The following UMAD1 variants were observed in gnomAD, a reference collection of about 807,000 sequenced individuals.
UMAD1 encodes UBAP1-MVB12-associated (UMA)-domain containing protein 1.
Under a neutral mutation model 6.1 loss-of-function variants are expected in UMAD1, and 8 were observed. The ratio of observed to expected loss-of-function variants is 1.30; its 90% CI spans 0.76 to 2.35. The LOEUF is 2.35. Ranked by LOEUF, UMAD1 falls within the 30% of genes most tolerant of loss-of-function variation. The probability of loss-of-function intolerance (pLI) is 0.00; values close to 1 mark genes in which losing one functional copy is unlikely to be tolerated. For synonymous variants in UMAD1, 56 were observed against 31.4 expected, an observed-to-expected ratio of 1.78 and a Z score of -2.61; for missense variants, 130 against 78.4, an observed-to-expected ratio of 1.66 and a Z score of -2.49.
intron 1 of UMAD1, among the ~76,000 whole-genome samples, chr7:7,655,807 A>G (rs1322011216): frequency 6.8e-6 from 1 of 147,414 alleles, no homozygotes; most frequent in Non-Finnish European, 1.5e-5. Context: ...GTAAGTGTAT[A>G]TATTTAGGAC....
At chr7:7,872,388 G>A (rs1292610399) in intron 3 of UMAD1, among the ~76,000 whole-genome samples, 1 of 152,206 alleles carries the variant, frequency 6.6e-6, no homozygotes, top group African/African-American at 2.4e-5. Context: ...GCAGATAGGG[G>A]AATGGCCAAC....
intron 1 of UMAD1, among the ~76,000 whole-genome samples, chr7:7,662,738 C>T (rs1190949392): frequency 6.6e-6 from 1 of 151,626 alleles, no homozygotes; most frequent in Non-Finnish European, 1.5e-5. Context: ...CTGGGAACTG[C>T]AGATGGAGCT....
intron 2 of UMAD1, among the ~76,000 whole-genome samples, chr7:7,731,490 C>CCT (rs888103101): frequency 4.3e-5 from 6 of 138,030 alleles, no homozygotes; most frequent in African/African-American, 1.6e-4. Flanking sequence ...CAACCCCCCC[C>CCT]CAAAAAAAAA....
At chr7:7,873,568 C>T (rs1387917286) in intron 3 of UMAD1, among the ~76,000 whole-genome samples, 1 of 152,134 alleles carries the variant, frequency 6.6e-6, no homozygotes. Context: ...TAGTTGCAGT[C>T]CTAAAACAGT....
chr7:7,741,907 ATATTT>A (rs1781476313), intron 2 of UMAD1: 1 of 200,836 alleles, frequency 5.0e-6, no homozygotes, highest in Non-Finnish European at 1.0e-5. Flanking sequence ...TAAACAAAAA[ATATTT>A]TTATTTTTAG....
intron 2 of UMAD1, among the ~76,000 whole-genome samples, chr7:7,721,703 T>C (rs968898512): frequency 1.8e-4 from 28 of 152,178 alleles, no homozygotes; most frequent in African/African-American, 5.8e-4. Flanking sequence ...TTTTTTGTGA[T>C]TGTCCATGAG....
intron 2 of UMAD1, among the ~76,000 whole-genome samples, chr7:7,785,629 G>A (rs565049500): frequency 3.3e-5 from 5 of 152,212 alleles, no homozygotes; most frequent in African/African-American, 4.8e-5. Context: ...GATTGATTGC[G>A]TGGCCGCTTG....
intron 3 of UMAD1, among the ~76,000 whole-genome samples, chr7:7,840,676 G>T (rs577821614): frequency 8.7e-4 from 132 of 152,118 alleles, no homozygotes; most frequent in African/African-American, 3.2e-3. Context: ...TGTTATTATT[G>T]TCATCATCAT....
At chr7:7,782,883 C>A (rs1241935628) in intron 2 of UMAD1, among the ~76,000 whole-genome samples, 1 of 151,936 alleles carries the variant, frequency 6.6e-6, no homozygotes, top group Non-Finnish European at 1.5e-5. Flanking sequence ...ATGCACGCCA[C>A]CACACCCAGC....
intron 1 of UMAD1, among the ~76,000 whole-genome samples, chr7:7,668,497 G>C (rs1194499510): frequency 1.3e-5 from 2 of 152,074 alleles, no homozygotes; most frequent in African/African-American, 4.8e-5. Flanking sequence ...CTCTTAGTGT[G>C]CCTAATTTAT....
At chr7:7,717,181 C>A (rs1043613019) in intron 2 of UMAD1, among the ~76,000 whole-genome samples, 1 of 151,838 alleles carries the variant, frequency 6.6e-6, no homozygotes, top group Non-Finnish European at 1.5e-5. Flanking sequence ...CTCTGCCTCC[C>A]GCGTAGCTGG....
At chr7:7,772,323 GAACT>G (rs1782117554) in intron 2 of UMAD1, 1 of 152,206 alleles carries the variant, frequency 6.6e-6, no homozygotes, top group Admixed American at 6.5e-5. Context: ...GTTTTCTCAT[GAACT>G]AACTAATGCC....
At chr7:7,819,384 G>A (rs557716212) in intron 3 of UMAD1, among the ~76,000 whole-genome samples, 1 of 152,316 alleles carries the variant, frequency 6.6e-6, no homozygotes, top group Admixed American at 6.5e-5. Context: ...TATCTGGTAA[G>A]TTGTAGGTAA....
chr7:7,854,079 G>A (rs1030244070), intron 3 of UMAD1, among the ~76,000 whole-genome samples: 1 of 152,186 alleles, frequency 6.6e-6, no homozygotes, highest in South Asian at 2.1e-4. Context: ...GGTTTAGCCA[G>A]GTGCCATGGC....
chr7:7,665,092 T>C (rs1779407161), intron 1 of UMAD1, among the ~76,000 whole-genome samples: 1 of 152,148 alleles, frequency 6.6e-6, no homozygotes, highest in Admixed American at 6.5e-5. Context: ...CACACAGGAA[T>C]TTTAGTCTAT....
chr7:7,708,569 A>G (rs1780666752), intron 2 of UMAD1, among the ~76,000 whole-genome samples: 1 of 152,222 alleles, frequency 6.6e-6, no homozygotes, highest in South Asian at 2.1e-4. Flanking sequence ...AAACATTGAA[A>G]GGAAACCTTT....
chr7:7,798,873 C>T (rs1004811114), intron 2 of UMAD1, among the ~76,000 whole-genome samples: 3 of 152,176 alleles, frequency 2.0e-5, no homozygotes, highest in Admixed American at 6.5e-5. Context: ...AGTTATCTTA[C>T]TGTGCTTGCC....
intron 2 of UMAD1, among the ~76,000 whole-genome samples, chr7:7,794,135 A>T (rs1480198438): frequency 6.6e-6 from 1 of 152,206 alleles, no homozygotes; most frequent in Non-Finnish European, 1.5e-5. Flanking sequence ...AGAGTTCTAG[A>T]TAAATCATCT....
At chr7:7,666,203 T>C (rs1779451682) in intron 1 of UMAD1, among the ~76,000 whole-genome samples, 1 of 151,972 alleles carries the variant, frequency 6.6e-6, no homozygotes, top group African/African-American at 2.4e-5. Flanking sequence ...TTTGTTTGTT[T>C]GTTTGTTTGT....
Sources: gnomAD v4.1 joint callset for allele counts (sites outside exome capture counted in the v4.1 genomes callset) on GRCh38, gnomAD v4.1.1 for gene constraint, MANE v1.5 for transcripts, NCBI Gene and HGNC (gene_info 2026-07-23, HGNC 2026-07-21) for gene names.